RB1CC1: variants seen among roughly 807,000 people sequenced by gnomAD.
The protein encoded by RB1CC1 is RB1 inducible coiled-coil 1.
Under a neutral mutation model 177.5 loss-of-function variants are expected in RB1CC1, and 46 were observed. The ratio of observed to expected loss-of-function variants is 0.26; its 90% CI spans 0.20 to 0.33. The LOEUF is 0.33. Among genes scored for constraint, RB1CC1 ranks in the 10% least tolerant of loss-of-function variants. The pLI is 1.00. For synonymous variants in RB1CC1, 666 were observed against 613.6 expected, an observed-to-expected ratio of 1.09 and a Z score of -1.26; for missense variants, 1,703 against 1,816.3, an observed-to-expected ratio of 0.94 and a Z score of 1.13.
chr8:52,683,181 C>G (rs1051030109), intron 5 of RB1CC1, among the ~76,000 whole-genome samples: 12 of 152,136 alleles, frequency 7.9e-5, no homozygotes, highest in African/African-American at 2.9e-4. Context: ...CCTCCAGGAA[C>G]TAACCACAAA....
chr8:52,704,709 A>G (rs1856404154), intron 1 of RB1CC1, among the ~76,000 whole-genome samples: 1 of 152,160 alleles, frequency 6.6e-6, no homozygotes, highest in African/African-American at 2.4e-5. Flanking sequence ...TTGACTCTCT[A>G]TGATCTAGAA....
chr8:52,694,858 AAAG>A (rs1461026019), intron 1 of RB1CC1, among the ~76,000 whole-genome samples: 30 of 152,320 alleles, frequency 2.0e-4, no homozygotes, highest in East Asian at 9.7e-4. Flanking sequence ...AGAAAACCAA[AAAG>A]AAGAAGATAT....
In RB1CC1 at chr8:52,656,145, T is replaced by C. The variant is rs1377143608; in HGVS notation, c.3684A>G (p.Glu1228=). The change falls in exon 15 of 24, where the codon GAA becomes GAG. Residue 1228 remains glutamate, a synonymous_variant. Coordinates refer to ENST00000025008, the MANE Select transcript of RB1CC1 (RefSeq NM_014781.5). The stretch of plus-strand genomic sequence containing the variant: ...CACAATTAAGCTTCTGAATTAACTG[T>C]TCTCTGTCTTGCTCCTGGCTGCTGA... ...KLVSSQEQDR[E]QLIQKLNCEK... The C allele has an allele frequency of 1.9e-6, 3 of 1,613,754 alleles. No homozygotes were observed. Among genetic ancestry groups the C allele is most frequent in the Non-Finnish European group, 2.5e-6 (3 of 1,179,894 alleles).
chr8:52,631,718 G>A (rs893238130), intron 20 of RB1CC1, among the ~76,000 whole-genome samples: 4 of 152,070 alleles, frequency 2.6e-5, no homozygotes, highest in South Asian at 2.1e-4. Context: ...TATGCTCGTC[G>A]GGAAAATTCA....
intron 15 of RB1CC1, among the ~76,000 whole-genome samples, chr8:52,651,839 ACTC>A (rs1850615080): frequency 6.6e-6 from 1 of 152,156 alleles, no homozygotes; most frequent in African/African-American, 2.4e-5. Flanking sequence ...CAAATGACCA[ACTC>A]ATGACGCTAT....
In RB1CC1 at chr8:52,661,615, A is replaced by G. The variant is rs1378295713; in HGVS notation, c.1278T>C (p.Asn426=). Residue 426 remains asparagine (N), a synonymous_variant, in exon 9 of 24, where the codon AAT becomes AAC. Transcript: ENST00000025008. Reference sequence around the variant, plus strand: ...GCTTAATATCTAACAGTTTTCTATGATTTTGCAACATAATCATCAACTGAT... The same window carrying G: ...GCTTAATATCTAACAGTTTTCTATGGTTTTGCAACATAATCATCAACTGAT... The part of the protein sequence containing the change: ...HANQLMIMLQ[N]HRKLLDIKQK... 6 of 1,612,742 alleles carry G rather than the reference A, an allele frequency of 3.7e-6. No homozygotes were observed. The highest frequency in any genetic ancestry group is 5.1e-6 in the Non-Finnish European group (6 of 1,179,470).
intron 8 of RB1CC1, among the ~76,000 whole-genome samples, chr8:52,662,724 T>G (rs924361376): frequency 2.6e-5 from 4 of 152,092 alleles, no homozygotes; most frequent in Non-Finnish European, 4.4e-5. Context: ...ATTTGAATGA[T>G]ATATACTGAA....
intron 18 of RB1CC1, among the ~76,000 whole-genome samples, chr8:52,641,269 G>A (rs1409047898): frequency 6.0e-5 from 9 of 150,658 alleles, no homozygotes; most frequent in South Asian, 2.1e-4. Context: ...CTGTAATCCC[G>A]GCTATTCAGG....
At chr8:52,663,952 C>T (rs1851845847) in intron 8 of RB1CC1, among the ~76,000 whole-genome samples, 1 of 152,122 alleles carries the variant, frequency 6.6e-6, no homozygotes, top group Admixed American at 6.5e-5. Flanking sequence ...TATTAAACAG[C>T]ATGTAATTAA....
chr8:52,653,180 A>G (rs1850769501), intron 15 of RB1CC1, among the ~76,000 whole-genome samples: 1 of 152,242 alleles, frequency 6.6e-6, no homozygotes, highest in Non-Finnish European at 1.5e-5. Context: ...GAGGTCCCAG[A>G]GAATATGTTC....
In RB1CC1 at chr8:52,645,759, T is replaced by G. The variant is rs764539670; in HGVS notation, c.3930A>C (p.Glu1310Asp). Residue 1310 changes from glutamate to aspartate, a missense_variant, in exon 16 of 24, where the codon GAA becomes GAC. Physicochemically the swap from Glu to Asp is conservative, Grantham distance 45 (BLOSUM62 2). Coordinates refer to ENST00000025008, the MANE Select transcript of RB1CC1 (RefSeq NM_014781.5). ...AKFLEQLEEQ[E>D]KRKNEEMQNV... is the part of the protein sequence containing the mutation. ...TTTGCATTTCTTCATTCTTTCTTTT[T>G]TCTTGCTCTTCAAGTTGTTCTAGAA... is the stretch of plus-strand genomic sequence containing the variant. 1 of 1,612,704 alleles carries G rather than the reference T, an allele frequency of 6.2e-7. No homozygotes were observed. Among genetic ancestry groups the G allele is most frequent in the Non-Finnish European group, 8.5e-7 (1 of 1,179,542 alleles).
intron 8 of RB1CC1, 145 bp downstream of exon 8, chr8:52,667,871 CTGTTT>C: frequency 2.7e-6 from 2 of 747,500 alleles, no homozygotes; most frequent in Non-Finnish European, 2.0e-6. Flanking sequence ...ACATGCTTTT[CTGTTT>C]TATTACAAGG....
intron 5 of RB1CC1, 68 bp from the exon 6 acceptor site, chr8:52,676,639 G>A (rs1289099107): frequency 1.4e-6 from 2 of 1,398,806 alleles, no homozygotes; most frequent in African/African-American, 1.4e-5. Flanking sequence ...GTTTGCATAT[G>A]TTTACAAACA....
chr8:52,708,515 CAAAA>C (rs1168730489), intron 1 of RB1CC1, among the ~76,000 whole-genome samples: 1 of 150,646 alleles, frequency 6.6e-6, no homozygotes, highest in African/African-American at 2.5e-5. Context: ...AGACTCGTCT[CAAAA>C]ACAAACAAAC....
rs909925403 is a variant in RB1CC1, at chr8:52,688,925, T to C, written c.-166-1958A>G. 5.9e-5 allele frequency among the ~76,000 whole-genome samples: 9 copies of C among 152,068 alleles called. No homozygotes were observed. In the East Asian group the frequency reaches 1.7e-3, roughly 29 times the overall value. On this transcript the variant is annotated intron_variant, in intron 1 of 23. Transcript: ENST00000025008. ...CCTACAGTGAAATATTGGGGGTGGG[T>C]TCCCCCAATAGGATGTCAAAGAAAA...
chr8:52,708,978 C>T (rs183421630), intron 1 of RB1CC1, among the ~76,000 whole-genome samples: 2 of 151,962 alleles, frequency 1.3e-5, no homozygotes, highest in East Asian at 2.0e-4. Context: ...GAGGCAGAGG[C>T]GGACAGATCA....
At chr8:52,708,982 C>G (rs1856829810) in intron 1 of RB1CC1, among the ~76,000 whole-genome samples, 1 of 151,840 alleles carries the variant, frequency 6.6e-6, no homozygotes, top group Non-Finnish European at 1.5e-5. Context: ...CAGAGGCGGA[C>G]AGATCACCTG....
intron 1 of RB1CC1, among the ~76,000 whole-genome samples, chr8:52,711,006 A>C (rs1325308929): frequency 1.3e-5 from 2 of 152,202 alleles, no homozygotes; most frequent in African/African-American, 4.8e-5. Context: ...TCAGTGACAA[A>C]AAAAGGAAAT....
At chr8:52,696,552 A>G (rs951486552) in intron 1 of RB1CC1, among the ~76,000 whole-genome samples, 1 of 152,218 alleles carries the variant, frequency 6.6e-6, no homozygotes. Context: ...CATCAAAAGA[A>G]TGAGTACAAG....
Sources: gnomAD v4.1 joint callset for allele counts (sites outside exome capture counted in the v4.1 genomes callset) on GRCh38, gnomAD v4.1.1 for gene constraint, MANE v1.5 for transcripts, NCBI Gene and HGNC (gene_info 2026-07-23, HGNC 2026-07-21) for gene names.